Variants in FGD3 observed in about 807,000 individuals in gnomAD.
The protein encoded by FGD3 is FYVE, RhoGEF and PH domain containing 3.
FGD3 carries 45 observed loss-of-function variants against 71.8 expected under a neutral mutation model. The ratio of observed to expected loss-of-function variants is 0.63; its 90% CI spans 0.49 to 0.80. The LOEUF is 0.80. FGD3 is among the 30% of genes least tolerant of loss of function. The pLI is 0.00. For synonymous variants in FGD3, 378 were observed against 392.8 expected (o/e 0.96, Z 0.44); for missense variants, 844 against 951.5 (o/e 0.89, Z 1.49).
At chr9:92,956,719 C>T (rs1859056514) in intron 1 of FGD3, among the ~76,000 whole-genome samples, 1 of 152,180 alleles carries the variant, frequency 6.6e-6, no homozygotes, top group Non-Finnish European at 1.5e-5. Context: ...ACACTGCCTT[C>T]CAGAGTACCA....
At chr9:93,009,179 C>T (rs1475422803) in intron 6 of FGD3, among the ~76,000 whole-genome samples, 1 of 151,878 alleles carries the variant, frequency 6.6e-6, no homozygotes, top group Non-Finnish European at 1.5e-5. Flanking sequence ...AGGAGAATTG[C>T]TTGAACCTGG....
intron 1 of FGD3, among the ~76,000 whole-genome samples, chr9:92,972,882 A>G (rs902241119): frequency 3.9e-5 from 6 of 152,068 alleles, no homozygotes; most frequent in Non-Finnish European, 5.9e-5. Context: ...AATTCCTTCC[A>G]GTGTGTTTTT....
intron 6 of FGD3, 89 bp downstream of exon 6, chr9:93,006,269 TATA>T: frequency 7.1e-6 from 9 of 1,264,926 alleles, no homozygotes; most frequent in South Asian, 2.8e-5. Flanking sequence ...TGTATATATG[TATA>T]TTTTACTCCA....
At chr9:93,010,523 C>CAGAG (rs1320080114) in intron 7 of FGD3, 139 bp downstream of exon 7, 10 of 869,446 alleles carry the variant, frequency 1.2e-5, no homozygotes, top group South Asian at 4.7e-5. Context: ...GGGAAAGAGA[C>CAGAG]AGAGACAGAG....
rs1467308537 is a variant in FGD3 at position 93,035,566 on chromosome 9, C to T, written c.2155C>T (p.Pro719Ser). Residue 719 changes from proline to serine, a missense_variant, in exon 18 of 18, where the codon CCT becomes TCT. Physicochemically the swap from Pro to Ser is moderately conservative, Grantham distance 74 (BLOSUM62 -1). Transcript: ENST00000375482. ...DSPGALQLQV[P>S]MGAAAP ...CCCGGGGGCCCTGCAGCTTCAGGTC[C>T]CTATGGGCGCAGCTGCTCCGTGAGC... 1.3e-6 allele frequency: 2 copies of T among 1,597,584 alleles called. No individual in the cohort carries two copies. Among genetic ancestry groups the T allele is most frequent in the Non-Finnish European group, 1.7e-6 (2 of 1,174,768 alleles).
At chr9:93,033,235 A>C in intron 16 of FGD3, 1 of 345,762 alleles carries the variant, frequency 2.9e-6, no homozygotes. Flanking sequence ...TGCCTGCCTC[A>C]CCTCCAGCTG....
At chr9:92,947,988 G>T (rs571798930) in intron 1 of FGD3, among the ~76,000 whole-genome samples, 8 of 152,126 alleles carry the variant, frequency 5.3e-5, no homozygotes, top group Non-Finnish European at 1.2e-4. Flanking sequence ...CAGTCCTCGC[G>T]GTGGGTCCTG....
At chr9:92,990,208 T>C (rs1160639108) in intron 3 of FGD3, among the ~76,000 whole-genome samples, 1 of 152,004 alleles carries the variant, frequency 6.6e-6, no homozygotes, top group East Asian at 1.9e-4. Context: ...GAGGCTGAGG[T>C]GGGAGGACTG....
intron 5 of FGD3, among the ~76,000 whole-genome samples, chr9:93,005,468 C>A (rs568669958): frequency 6.6e-6 from 1 of 152,284 alleles, no homozygotes; most frequent in Admixed American, 6.5e-5. Flanking sequence ...ACAGTCATGC[C>A]TTAGTGATGG....
chr9:93,021,407 G>A (rs565991418), intron 13 of FGD3, among the ~76,000 whole-genome samples: 12 of 152,272 alleles, frequency 7.9e-5, no homozygotes, highest in South Asian at 2.1e-4. Context: ...TTCTCCTCCC[G>A]GGGCTTCCCT....
In FGD3 at chr9:93,003,652, G is replaced by A. The variant is rs1042458653; in HGVS notation, c.544-349G>A. The stretch of plus-strand genomic sequence containing the variant: ...AAATAAAGCACCCATGGAAGCTGGG[G>A]TTTTGACAGACAGTGCTGCTGCTGT... On this transcript the variant is annotated intron_variant, in intron 4 of 17. Transcript: ENST00000375482. The surrounding 1 kb of genome is among the most constrained non-coding windows in gnomAD (Gnocchi z 4.1). 1.3e-5 allele frequency among the ~76,000 whole-genome samples: 2 copies of A among 152,182 alleles called. No homozygotes were observed. Among genetic ancestry groups the A allele is most frequent in the African/African-American group, 4.8e-5 (2 of 41,454 alleles).
At chr9:93,017,663 C>T (rs1039075913) in intron 10 of FGD3, among the ~76,000 whole-genome samples, 1 of 152,176 alleles carries the variant, frequency 6.6e-6, no homozygotes, top group East Asian at 1.9e-4. Flanking sequence ...CATGTCTAAT[C>T]TCAGGGCGCA....
In FGD3 at chr9:93,031,576, C is replaced by T. The variant is rs150174655; in HGVS notation, c.1681-1193C>T. On this transcript the variant is annotated intron_variant, in intron 15 of 17. Coordinates refer to ENST00000375482, the MANE Select transcript of FGD3 (RefSeq NM_001083536.2). The stretch of plus-strand genomic sequence containing the variant: ...AGAGAAATTCCAAAAATAAAATGCT[C>T]ATAAAAGGAGGACTCCAGAAGAGGG... 3.8e-4 allele frequency among the ~76,000 whole-genome samples: 58 copies of T among 152,286 alleles called. No individual in the cohort carries two copies. The East Asian group carries it at 0.011, about 28-fold the overall frequency.
chr9:93,035,847 A>G lies in FGD3; in HGVS notation c.*258A>G. The G allele has an allele frequency of 4.1e-6, 2 of 489,778 alleles. No homozygotes were observed. Among genetic ancestry groups the G allele is most frequent in the Non-Finnish European group, 7.1e-6 (2 of 280,710 alleles). The allele number at this position is 489,778 out of a possible 1,614,324, so 30.3% of individuals were successfully genotyped here. A position where few individuals can be genotyped will look rare whatever the true frequency, so the allele number is the denominator to read the frequency against. On this transcript the variant is annotated 3_prime_UTR_variant, in exon 18 of 18. Coordinates refer to ENST00000375482, the MANE Select transcript of FGD3 (RefSeq NM_001083536.2). ...TGGCCCAGAGCAGGGGCCGACTGCC[A>G]AAGTAACCATCATCCATATGGGCCG...
intron 3 of FGD3, among the ~76,000 whole-genome samples, chr9:92,994,216 G>T (rs144575613): frequency 0.031 from 4,730 of 152,278 alleles, 263 homozygotes; most frequent in African/African-American, 0.11. Context: ...CTGATGGCCA[G>T]TGATGATGAG....
At position 93,010,280 on chromosome 9, in the gene FGD3, A is replaced by G; in HGVS notation, c.872A>G (p.His291Arg). 6.2e-7 allele frequency: 1 copy of G among 1,613,100 alleles called. No homozygotes were observed. The highest frequency in any genetic ancestry group is 8.5e-7 in the Non-Finnish European group (1 of 1,179,268). Reference sequence around the variant, plus strand: ...GTATGCGGGAACCTGACGCTGCAGCACCACATGCTGGAGCCCGTGCAGAGG... The same window carrying G: ...GTATGCGGGAACCTGACGCTGCAGCGCCACATGCTGGAGCCCGTGCAGAGG... ...QEVCGNLTLQ[H>R]HMLEPVQRVP... The change falls in exon 7 of 18, where the codon CAC becomes CGC. Residue 291 changes from histidine to arginine, a missense_variant. By Grantham distance (29) the His-to-Arg change is conservative. Coordinates refer to ENST00000375482, the MANE Select transcript of FGD3 (RefSeq NM_001083536.2).
intron 10 of FGD3, among the ~76,000 whole-genome samples, chr9:93,016,974 TA>T (rs1216778468): frequency 6.6e-6 from 1 of 152,206 alleles, no homozygotes; most frequent in Non-Finnish European, 1.5e-5. Context: ...CTAACTACTA[TA>T]AAAAGCTGGG....
At chr9:92,963,942 G>T (rs1356942751) in intron 1 of FGD3, 1 of 152,324 alleles carries the variant, frequency 6.6e-6, no homozygotes, top group Non-Finnish European at 1.5e-5. Context: ...GGCTTGTCTG[G>T]TCTAGGGCCG....
intron 1 of FGD3, among the ~76,000 whole-genome samples, chr9:92,949,684 C>A (rs1858918331): frequency 6.6e-6 from 1 of 152,176 alleles, no homozygotes; most frequent in African/African-American, 2.4e-5. Flanking sequence ...CGGCTCTTGG[C>A]CCTGAGTGTA....
Sources: allele counts gnomAD v4.1 joint callset (sites outside exome capture counted in the v4.1 genomes callset), GRCh38; gene constraint gnomAD v4.1.1; non-coding constraint Gnocchi (gnomAD v3.1); transcripts MANE v1.5; gene names NCBI Gene and HGNC (gene_info 2026-07-23, HGNC 2026-07-21).